The following EIF3H variants were observed in gnomAD, a reference collection of about 807,000 sequenced individuals.
EIF3H encodes the protein eIF-3-gamma.
EIF3H carries 26 observed loss-of-function variants against 44.2 expected under a neutral mutation model. That is an observed-to-expected ratio of 0.59 (90% CI 0.43 to 0.82). The LOEUF is 0.82. EIF3H is among the 40% of genes least tolerant of loss of function. The pLI, the probability that EIF3H is intolerant of heterozygous loss-of-function variation, is 0.00. For synonymous variants in EIF3H, 166 were observed against 151.9 expected (o/e 1.09, Z -0.68); for missense variants, 359 against 432.8 (o/e 0.83, Z 1.51).
At chr8:116,699,010 G>T (rs1293515112) in intron 2 of EIF3H, among the ~76,000 whole-genome samples, 1 of 152,202 alleles carries the variant, frequency 6.6e-6, no homozygotes, top group East Asian at 1.9e-4. Context: ...TTAGCTGGGC[G>T]TAGTGGCATG....
At chr8:116,672,235 A>G (rs1390882777) in intron 2 of EIF3H, among the ~76,000 whole-genome samples, 3 of 152,256 alleles carry the variant, frequency 2.0e-5, no homozygotes, top group Admixed American at 6.5e-5. Context: ...GTGTGTTCAA[A>G]AACTAGTATT....
Position 116,644,843 on chromosome 8 carries a change from T to C in EIF3H, c.*163A>G. On this transcript the variant is annotated 3_prime_UTR_variant, in exon 8 of 8. Transcript: ENST00000521861. ...AAATGAGCAAGCAGTCAAGATTTTG[T>C]TTTATTTTATTATGGCTAGAAAGAC... is the stretch of plus-strand genomic sequence containing the variant. 1.8e-6 allele frequency: 1 copy of C among 556,404 alleles called. No individual in the cohort carries two copies. The highest frequency in any genetic ancestry group is 3.2e-6 in the Non-Finnish European group (1 of 312,314). 34.5% of individuals were successfully genotyped at this position (556,404 alleles called of 1,614,324 possible).
intron 2 of EIF3H, among the ~76,000 whole-genome samples, chr8:116,692,249 T>C (rs1302174777): frequency 6.6e-6 from 1 of 152,146 alleles, no homozygotes; most frequent in Admixed American, 6.5e-5. Context: ...ACAATTTCAA[T>C]AATATGAAAT....
chr8:116,717,067 C>CTGTTGATTTTT (rs1349170374), intron 2 of EIF3H, among the ~76,000 whole-genome samples: 3 of 152,002 alleles, frequency 2.0e-5, no homozygotes, highest in Non-Finnish European at 4.4e-5. Flanking sequence ...TTTTAAAAAT[C>CTGTTGATTTTT]AACATACAGG....
intron 2 of EIF3H, among the ~76,000 whole-genome samples, chr8:116,721,072 G>A (rs1046217543): frequency 2.6e-5 from 4 of 152,106 alleles, no homozygotes; most frequent in African/African-American, 9.7e-5. Context: ...TCCAGGGCAC[G>A]TCGGAGACCT....
Position 116,655,910 on chromosome 8 carries a change from A to G in EIF3H, c.653T>C (p.Leu218Pro). ...ATCTGCAACAGCTGACTTCTTTTCA[A>G]GTTCCCACATTAGGACATTGATCAG... ...SHLINVLMWE[L>P]EKKSAVADKH... Residue 218 changes from leucine (L) to proline (P), a missense_variant, in exon 5 of 8, where the codon CTT becomes CCT. By Grantham distance (98) the Leu-to-Pro change is moderately conservative (BLOSUM62 -3). Coordinates refer to ENST00000521861, the MANE Select transcript of EIF3H (RefSeq NM_003756.3). 1 of 1,613,878 alleles carries G rather than the reference A, an allele frequency of 6.2e-7. No individual in the cohort carries two copies. Among genetic ancestry groups the G allele is most frequent in the Non-Finnish European group, 8.5e-7 (1 of 1,179,824 alleles).
intron 1 of EIF3H, among the ~76,000 whole-genome samples, chr8:116,754,068 G>A (rs1815401722): frequency 6.6e-6 from 1 of 151,778 alleles, no homozygotes; most frequent in Non-Finnish European, 1.5e-5. Context: ...TGCCTCCCAT[G>A]AGCCAGGGAA....
chr8:116,674,123 A>T (rs1201994796), intron 2 of EIF3H, among the ~76,000 whole-genome samples: 3 of 149,542 alleles, frequency 2.0e-5, no homozygotes, highest in African/African-American at 7.3e-5. Context: ...GGAAATTTTA[A>T]ATTTATTATT....
At chr8:116,678,807 G>T (rs1427718542) in intron 2 of EIF3H, among the ~76,000 whole-genome samples, 1 of 144,932 alleles carries the variant, frequency 6.9e-6, no homozygotes, top group South Asian at 2.3e-4. Context: ...CAGCCACCCC[G>T]TCTGGGAAGT....
intron 2 of EIF3H, among the ~76,000 whole-genome samples, chr8:116,668,043 C>G (rs926295027): frequency 6.6e-6 from 1 of 152,202 alleles, no homozygotes; most frequent in Admixed American, 6.5e-5. Context: ...TCAAACTCTA[C>G]TACTTCCATA....
intron 2 of EIF3H, among the ~76,000 whole-genome samples, chr8:116,663,843 A>G (rs184300798): frequency 6.7e-6 from 1 of 148,290 alleles, no homozygotes; most frequent in Admixed American, 6.9e-5. Flanking sequence ...AGGCGCAAGA[A>G]TTGTTTGAGC....
intron 1 of EIF3H, among the ~76,000 whole-genome samples, chr8:116,726,663 T>C (rs1814846372): frequency 6.6e-6 from 1 of 152,310 alleles, no homozygotes; most frequent in East Asian, 1.9e-4. Context: ...AGTCAGAGGA[T>C]GCAACAACGG....
intron 2 of EIF3H, among the ~76,000 whole-genome samples, chr8:116,699,601 C>T (rs985330905): frequency 6.6e-6 from 1 of 152,140 alleles, no homozygotes; most frequent in Admixed American, 6.5e-5. Context: ...GGTACTATGC[C>T]AGCTACATGG....
At chr8:116,675,264 ACT>A (rs958103144) in intron 2 of EIF3H, among the ~76,000 whole-genome samples, 1 of 151,944 alleles carries the variant, frequency 6.6e-6, no homozygotes, top group Non-Finnish European at 1.5e-5. Context: ...TCCTATTTAC[ACT>A]CTTGTTTTTC....
intron 1 of EIF3H, among the ~76,000 whole-genome samples, chr8:116,755,286 A>C (rs1815420780): frequency 6.6e-6 from 1 of 152,206 alleles, no homozygotes; most frequent in South Asian, 2.1e-4. Flanking sequence ...GCAGGGAATC[A>C]GTGGAGTTTC....
intron 1 of EIF3H, among the ~76,000 whole-genome samples, chr8:116,752,752 AGAGGGAGGGAGGGAGGGAGGGAGGGAGG>A (rs539328331): frequency 2.4e-5 from 1 of 40,914 alleles, no homozygotes; most frequent in East Asian, 5.9e-4. Context: ...AAAGAAAGAA[AGAGGGAGGGAGGGAGGGAGGGAGGGAGG>A]GAGGGAGGGA....
chr8:116,734,716 C>T (rs557699076), intron 1 of EIF3H, among the ~76,000 whole-genome samples: 4 of 151,996 alleles, frequency 2.6e-5, no homozygotes, highest in South Asian at 2.1e-4. Context: ...CCACCACACC[C>T]GGCTAAGTTT....
chr8:116,675,469 T>C (rs1813834104), intron 2 of EIF3H, among the ~76,000 whole-genome samples: 1 of 152,232 alleles, frequency 6.6e-6, no homozygotes, highest in African/African-American at 2.4e-5. Context: ...CTATCCTCTA[T>C]ATGCCAGTAA....
At chr8:116,703,847 G>A (rs1439724072) in intron 2 of EIF3H, among the ~76,000 whole-genome samples, 1 of 152,098 alleles carries the variant, frequency 6.6e-6, no homozygotes, top group African/African-American at 2.4e-5. Flanking sequence ...TTTGTCTTGT[G>A]TCTTTATTTC....
Sources: gnomAD v4.1 joint callset for allele counts (sites outside exome capture counted in the v4.1 genomes callset) on GRCh38, gnomAD v4.1.1 for gene constraint, MANE v1.5 for transcripts, NCBI Gene and HGNC (gene_info 2026-07-23, HGNC 2026-07-21) for gene names.